Variants in FAM135B observed in about 807,000 individuals in gnomAD.
FAM135B encodes protein FAM135B.
In FAM135B, 43 loss-of-function variants were observed where a neutral mutation model predicts 127.7. That is an observed-to-expected ratio of 0.34 (90% CI 0.26 to 0.43). The LOEUF (loss-of-function observed/expected upper bound fraction) is 0.43. Ranked by LOEUF, FAM135B falls within the 20% of genes least tolerant of loss-of-function variation. The probability of loss-of-function intolerance (pLI) is 1.00; values close to 1 mark genes in which losing one functional copy is unlikely to be tolerated. For synonymous variants in FAM135B, 670 were observed against 665.1 expected (o/e 1.01, Z -0.11); for missense variants, 1,558 against 1,725.6 (o/e 0.90, Z 1.72).
At position 138,152,033 on chromosome 8, in the gene FAM135B, T is replaced by C; in HGVS notation, c.2442A>G (p.Gln814=). The C allele has an allele frequency of 6.2e-7, 1 of 1,613,974 alleles. No individual in the cohort carries two copies. The highest frequency in any genetic ancestry group is 8.5e-7 in the Non-Finnish European group (1 of 1,179,994). Residue 814 remains glutamine (Q), a synonymous_variant, in exon 13 of 20, where the codon CAA becomes CAG. Transcript: ENST00000395297. ...CATCTGTTCCAGAGTCACCACAAAG[T>C]TGAGAGCAAGATCCTGGGGAACCTT... ...KSQGSPGSCS[Q]LCGDSGTDAG... is the part of the protein sequence containing the mutation.
rs540854696 is a variant in FAM135B at position 138,455,692 on chromosome 8, T to C, written c.-20+40979A>G. ...TGTCTAGCATTATTCTCCTTGTGAA[T>C]GGATGGGTAGGTGGGTATGTGGGCA... On this transcript the variant is annotated intron_variant, in intron 1 of 19. Transcript: ENST00000395297. 1.2e-4 allele frequency among the ~76,000 whole-genome samples: 18 copies of C among 152,256 alleles called. No individual in the cohort carries two copies. In the South Asian group the frequency reaches 3.7e-3, roughly 32 times the overall value.
chr8:138,310,878 G>T lies in FAM135B; in HGVS notation c.120C>A (p.Ile40=), dbSNP rs150942525. 2 of 1,613,860 alleles carry T rather than the reference G, an allele frequency of 1.2e-6. No individual in the cohort carries two copies. Among genetic ancestry groups the T allele is most frequent in the Non-Finnish European group, 1.7e-6 (2 of 1,179,944 alleles). The change falls in exon 3 of 20, where the codon ATC becomes ATA. Residue 40 remains isoleucine, a synonymous_variant. Transcript: ENST00000395297. ...CGATGGAGGCACTCAGTCTGTGGGG[G>T]ATCCTTGAAGACACCTTCAAGGTCA... is the stretch of plus-strand genomic sequence containing the variant. ...IRVTLKVSSR[I]PHRLSASIAG... is the part of the protein sequence containing the mutation.
chr8:138,188,374 C>T (rs947175851), intron 9 of FAM135B, among the ~76,000 whole-genome samples: 8 of 152,168 alleles, frequency 5.3e-5, no homozygotes, highest in African/African-American at 1.9e-4. Context: ...GGCTGCACCC[C>T]TAACCAGTGG....
In FAM135B at chr8:138,152,550, T is replaced by C. The variant is rs2130773679; in HGVS notation, c.1925A>G (p.Asp642Gly). ...CTCCCTCAGGGTAGAACTTAGTGGA[T>C]CACAGGGCTCAGAGGGGGTGAGTTT... ...SLKLTPSEPC[D>G]PLSSTLREPL... Residue 642 changes from aspartate to glycine, a missense_variant, in exon 13 of 20, where the codon GAT becomes GGT. Coordinates refer to ENST00000395297, the MANE Select transcript of FAM135B (RefSeq NM_015912.4). The C allele has an allele frequency of 2.5e-6, 4 of 1,614,162 alleles. No individual in the cohort carries two copies. Among genetic ancestry groups the C allele is most frequent in the Non-Finnish European group, 3.4e-6 (4 of 1,180,016 alleles).
chr8:138,193,882 C>T (rs1193785964), intron 9 of FAM135B, among the ~76,000 whole-genome samples: 1 of 152,234 alleles, frequency 6.6e-6, no homozygotes, highest in African/African-American at 2.4e-5. Flanking sequence ...AAGCTCAGAG[C>T]CTGGATTTAA....
chr8:138,302,196 G>A (rs1374207684), intron 3 of FAM135B, among the ~76,000 whole-genome samples: 1 of 152,010 alleles, frequency 6.6e-6, no homozygotes, highest in African/African-American at 2.4e-5. Context: ...CCAAGGAGGG[G>A]GGTGAGGAGT....
intron 3 of FAM135B, among the ~76,000 whole-genome samples, chr8:138,269,904 G>C (rs947435328): frequency 6.6e-6 from 1 of 152,156 alleles, no homozygotes; most frequent in Non-Finnish European, 1.5e-5. Flanking sequence ...GTGAATTTTC[G>C]GACCCTTTCT....
chr8:138,136,515 GGAATTTTTTGTACTGT>G (rs1245617270), intron 19 of FAM135B, among the ~76,000 whole-genome samples: 1 of 152,062 alleles, frequency 6.6e-6, no homozygotes, highest in Non-Finnish European at 1.5e-5. Context: ...AACGTATGCA[GGAATTTTTTGTACTGT>G]TGTTGCAACA....
intron 2 of FAM135B, among the ~76,000 whole-genome samples, chr8:138,317,676 C>G (rs1410971392): frequency 1.3e-5 from 2 of 152,232 alleles, no homozygotes; most frequent in African/African-American, 4.8e-5. Flanking sequence ...AGGCTCCATA[C>G]CAACTGGAGA....
intron 6 of FAM135B, among the ~76,000 whole-genome samples, chr8:138,249,546 G>C (rs1821546363): frequency 6.6e-6 from 1 of 152,150 alleles, no homozygotes; most frequent in African/African-American, 2.4e-5. Flanking sequence ...CCCATTGAAT[G>C]AAAGAATAAT....
intron 1 of FAM135B, among the ~76,000 whole-genome samples, chr8:138,416,368 C>T (rs189705026): frequency 1.4e-4 from 21 of 152,296 alleles, no homozygotes; most frequent in Middle Eastern, 3.4e-3. Flanking sequence ...ATGTGACTTA[C>T]ATAATACATA....
At chr8:138,197,384 CA>C in intron 8 of FAM135B, 131 bp downstream of exon 8, 1 of 1,093,260 alleles carries the variant, frequency 9.1e-7, no homozygotes, top group East Asian at 2.6e-5. Context: ...TAATAAAAAT[CA>C]CAGCCCAAAC....
intron 1 of FAM135B, among the ~76,000 whole-genome samples, chr8:138,451,303 C>T (rs1283083687): frequency 6.6e-6 from 1 of 152,172 alleles, no homozygotes; most frequent in Non-Finnish European, 1.5e-5. Context: ...CTACCAAGAA[C>T]CTTGACTGAC....
intron 7 of FAM135B, among the ~76,000 whole-genome samples, chr8:138,200,742 C>G (rs919538178): frequency 3.3e-5 from 5 of 152,196 alleles, no homozygotes; most frequent in African/African-American, 1.2e-4. Flanking sequence ...AAAACATGCA[C>G]TGACACACTT....
At chr8:138,139,770 A>C (rs181452319) in intron 17 of FAM135B, among the ~76,000 whole-genome samples, 203 of 152,326 alleles carry the variant, frequency 1.3e-3, no homozygotes, top group Admixed American at 3.0e-3. Context: ...CTCTCTCAAA[A>C]AACAACAACA....
intron 1 of FAM135B, among the ~76,000 whole-genome samples, chr8:138,469,249 AAAG>A (rs1204194237): frequency 1.3e-5 from 2 of 152,156 alleles, no homozygotes; most frequent in African/African-American, 4.8e-5. Context: ...AGTTACTGGA[AAAG>A]AAGAAGAAAA....
At chr8:138,375,412 T>C (rs541658125) in intron 1 of FAM135B, among the ~76,000 whole-genome samples, 2 of 152,268 alleles carry the variant, frequency 1.3e-5, no homozygotes, top group African/African-American at 4.8e-5. Flanking sequence ...TATGTGTGTA[T>C]GTAGGTCAGG....
intron 11 of FAM135B, among the ~76,000 whole-genome samples, chr8:138,176,910 T>A (rs1010072995): frequency 3.3e-5 from 5 of 152,210 alleles, no homozygotes; most frequent in Admixed American, 2.0e-4. Flanking sequence ...AAGGCAAACT[T>A]AGCAATTCAT....
intron 1 of FAM135B, among the ~76,000 whole-genome samples, chr8:138,430,497 G>A (rs1835137649): frequency 6.6e-6 from 1 of 152,192 alleles, no homozygotes. Context: ...AGCTGAGGCT[G>A]GGATGTGCTT....
Sources: gnomAD v4.1 joint callset for allele counts (sites outside exome capture counted in the v4.1 genomes callset) on GRCh38, gnomAD v4.1.1 for gene constraint, MANE v1.5 for transcripts, NCBI Gene and HGNC (gene_info 2026-07-23, HGNC 2026-07-21) for gene names.